The following GRB7 variants were observed in gnomAD, a reference collection of about 807,000 sequenced individuals.
GRB7 encodes the protein growth factor receptor bound protein 7.
A neutral mutation model predicts 64.1 loss-of-function variants in GRB7; 47 were observed. The observed-to-expected ratio is 0.73, with a 90% CI of 0.58 to 0.94. The LOEUF (loss-of-function observed/expected upper bound fraction) is 0.94, where lower values mean the gene tolerates loss of function less well. GRB7 is among the 40% of genes least tolerant of loss of function. The pLI is 0.00. For synonymous variants in GRB7, 277 were observed against 279.9 expected, an observed-to-expected ratio of 0.99 and a Z score of 0.10; for missense variants, 634 against 718.4, an observed-to-expected ratio of 0.88 and a Z score of 1.34.
chr17:39,745,633 G>T, intron 11 of GRB7, 95 bp downstream of exon 11: 4 of 1,559,268 alleles, frequency 2.6e-6, no homozygotes, highest in Non-Finnish European at 3.5e-6. Context: ...GCGGGGGGAG[G>T]CCCCTGGCTG....
chr17:39,742,906 G>A lies in GRB7; in HGVS notation c.315G>A (p.Lys105=), dbSNP rs748929316. 58 of 1,596,848 alleles carry A rather than the reference G, an allele frequency of 3.6e-5. No individual in the cohort carries two copies. The highest frequency in any genetic ancestry group is 4.9e-5 in the Non-Finnish European group (57 of 1,170,806). The change falls in exon 4 of 15, where the codon AAG becomes AAA. Residue 105 remains lysine (K), a synonymous_variant. Transcript: ENST00000309156. ...PRDASRPHVV[K]VYSEDGACRS... ...CAATTCCTGGGGCGCAGGTAGTAAA[G>A]GTGTACAGTGAGGATGGGGCCTGCA...
In GRB7 at chr17:39,743,390, C is replaced by T. The variant is rs2060014464; in HGVS notation, c.586-3C>T. The stretch of plus-strand genomic sequence containing the variant: ...CTGATCCCTGACACTTGTCTACCCA[C>T]AGCACTCCCTGTTCCCAGAAAAAAT... On this transcript the variant is annotated splice_region_variant and splice_polypyrimidine_tract_variant and intron_variant, in intron 5 of 14. Coordinates refer to ENST00000309156, the MANE Select transcript of GRB7 (RefSeq NM_005310.5). 1 of 1,614,072 alleles carries T rather than the reference C, an allele frequency of 6.2e-7. No individual in the cohort carries two copies. Among genetic ancestry groups the T allele is most frequent in the South Asian group, 1.1e-5 (1 of 91,096 alleles).
chr17:39,745,623 G>A (rs2060038544), intron 11 of GRB7, 85 bp downstream of exon 11: 1 of 1,557,132 alleles, frequency 6.4e-7, no homozygotes, highest in African/African-American at 1.4e-5. Flanking sequence ...GGAAGAGAGG[G>A]CGGGGGGAGG....
At chr17:39,740,042 A>G (rs1567924339) in intron 1 of GRB7, 1 of 985,008 alleles carries the variant, frequency 1.0e-6, no homozygotes, top group East Asian at 1.1e-4. Context: ...TCTACTTCTA[A>G]CCCCTTCCAA....
Position 39,743,237 on chromosome 17 carries a change from G to C in GRB7, c.521G>C (p.Gly174Ala), listed in dbSNP as rs756826088. 5 of 1,614,068 alleles carry C rather than the reference G, an allele frequency of 3.1e-6. No individual in the cohort carries two copies. The highest frequency in any genetic ancestry group is 4.2e-6 in the Non-Finnish European group (5 of 1,180,050). Residue 174 changes from glycine to alanine, a missense_variant, in exon 5 of 15, where the codon GGC (glycine) becomes GCC (alanine). Around this residue, in one of 2 missense-constraint regions of GRB7, gnomAD observed 467 missense variants for 576.6 expected, o/e 0.81. Transcript: ENST00000309156. ...VVEVQAAWPVGGDSRFVFRKN... is the reference protein window; with the variant it reads ...VVEVQAAWPVAGDSRFVFRKN... ...GAAGTGCAGGCTGCCTGGCCCGTGG[G>C]CGGAGATAGCCGCTTCGTCTTCCGG... is the stretch of plus-strand genomic sequence containing the variant.
In GRB7 at chr17:39,744,664, G is replaced by T. The variant is rs376348595; in HGVS notation, c.912+1G>T. 9 of 1,598,124 alleles carry T rather than the reference G, an allele frequency of 5.6e-6. No individual in the cohort carries two copies. The Admixed American group carries it at 6.9e-5, about 12-fold the overall frequency. ...CACTGACTTCGGTTTCTGTGTCAAG[G>T]TGAAGACCTGGCCAGGCCTGGCCCC... On this transcript the variant is annotated splice_donor_variant, in intron 8 of 14. Coordinates refer to ENST00000309156, the MANE Select transcript of GRB7 (RefSeq NM_005310.5). LOFTEE classifies it high-confidence loss of function.
At chr17:39,743,120 G>C in intron 4 of GRB7, 60 bp from the exon 5 acceptor site, 1 of 1,603,610 alleles carries the variant, frequency 6.2e-7, no homozygotes, top group Admixed American at 1.7e-5. Context: ...CTAGGCATGT[G>C]GCTCATCCAG....
chr17:39,742,464 G>C lies in GRB7; in HGVS notation c.155+8G>C. On this transcript the variant is annotated splice_region_variant and intron_variant, in intron 2 of 14. Transcript: ENST00000309156. The stretch of plus-strand genomic sequence containing the variant: ...CATCCCAACCACCGGCAGGTACGAT[G>C]GGGCGTGGGGCTTGGGGGAGGTCAG... The C allele has an allele frequency of 6.2e-7, 1 of 1,613,682 alleles. No individual in the cohort carries two copies.
rs1000232299 is a variant in GRB7 at position 39,737,940 on chromosome 17, T to C, written c.-244T>C. The C allele has an allele frequency of 5.3e-5, 8 of 152,296 alleles. No individual in the cohort carries two copies. The highest frequency in any genetic ancestry group is 8.8e-5 in the Non-Finnish European group (6 of 68,062). The allele number at this position is 152,296 out of a possible 1,614,324, so 9.4% of individuals were successfully genotyped here. On this transcript the variant is annotated 5_prime_UTR_variant, in exon 1 of 15. Transcript: ENST00000309156. ...CCCCATCTGCCCAAGATAATTTTAG[T>C]TTCCTTGGGCCTGGAATCTGGACAC...
chr17:39,745,888 C>T, intron 12 of GRB7, 25 bp from the exon 13 acceptor site: 2 of 1,613,516 alleles, frequency 1.2e-6, no homozygotes, highest in Non-Finnish European at 1.7e-6. Context: ...CCCAAAGTGA[C>T]CGCCCATGTC....
At chr17:39,746,074 G>A (rs1462022280) in intron 13 of GRB7, 35 bp from the exon 14 acceptor site, 1 of 1,612,150 alleles carries the variant, frequency 6.2e-7, no homozygotes, top group Non-Finnish European at 8.5e-7. Context: ...TGGTCCTTGG[G>A]TAGTAATGCT....
chr17:39,746,041 G>C (rs1188963723), intron 13 of GRB7, 41 bp downstream of exon 13: 5 of 1,610,708 alleles, frequency 3.1e-6, no homozygotes, highest in Admixed American at 3.3e-5. Context: ...GGATAAGAGA[G>C]ACTGGGGTCC....
intron 1 of GRB7, among the ~76,000 whole-genome samples, chr17:39,739,809 C>T (rs1322893946): frequency 2.0e-5 from 3 of 152,134 alleles, no homozygotes. Flanking sequence ...GTGTTTCCAA[C>T]CGAAGCTTTA....
intron 7 of GRB7, 105 bp from the exon 8 acceptor site, chr17:39,744,448 C>A: frequency 1.0e-6 from 1 of 960,002 alleles, no homozygotes; most frequent in Middle Eastern, 2.1e-4. Flanking sequence ...CCTGGGTATT[C>A]CCCTGCCCCT....
Position 39,742,625 on chromosome 17 carries a change from C to A in GRB7, c.215C>A (p.Pro72His), listed in dbSNP as rs748153802. Residue 72 changes from proline (P) to histidine (H), a missense_variant, in exon 3 of 15, where the codon CCT becomes CAT. Pro to His is a moderately conservative substitution (Grantham distance 77, BLOSUM62 -2). Around this residue, in one of 2 missense-constraint regions of GRB7, gnomAD observed 167 missense variants for 141.9 expected, o/e 1.18. Coordinates refer to ENST00000309156, the MANE Select transcript of GRB7 (RefSeq NM_005310.5). ...TSLPSIPNPF[P>H]ELCSPPSQSP... The stretch of plus-strand genomic sequence containing the variant: ...CTCCCCTCTATCCCCAACCCCTTCC[C>A]TGAGCTCTGCAGTCCTCCCTCACAG... The A allele has an allele frequency of 6.2e-7, 1 of 1,613,470 alleles. No individual in the cohort carries two copies. The highest frequency in any genetic ancestry group is 2.2e-5 in the East Asian group (1 of 44,860).
At chr17:39,743,635 C>T (rs59547705) in intron 6 of GRB7, 165 bp downstream of exon 6, 1 of 644,672 alleles carries the variant, frequency 1.6e-6, no homozygotes, top group South Asian at 1.9e-5. Flanking sequence ...TCAGTTTCTT[C>T]TATTAAATGG....
chr17:39,744,851 C>G, intron 8 of GRB7, 35 bp from the exon 9 acceptor site: 1 of 1,544,580 alleles, frequency 6.5e-7, no homozygotes, highest in East Asian at 2.2e-5. Flanking sequence ...GTCCTAAAGG[C>G]AGATATGGGA....
At chr17:39,739,024 G>A (rs1441536794) in intron 1 of GRB7, 3 of 1,055,718 alleles carry the variant, frequency 2.8e-6, no homozygotes, top group Non-Finnish European at 4.0e-6. Flanking sequence ...GGAGAGTGGG[G>A]TGGGGGATAG....
Position 39,745,302 on chromosome 17 carries a change from T to C in GRB7, c.1071T>C (p.Ser357=). The change falls in exon 10 of 15, where the codon TCT becomes TCC. Residue 357 remains serine, a synonymous_variant. Transcript: ENST00000309156. ...QQAQSRHLHP[S]CLGSPPLRSA... ...CACAGTCTCGCCATCTGCATCCATCTTGTTTGGGCTCCCCACCCTTGGTGA... is the reference window on the plus strand; with the variant it reads ...CACAGTCTCGCCATCTGCATCCATCCTGTTTGGGCTCCCCACCCTTGGTGA... The C allele has an allele frequency of 6.2e-7, 1 of 1,612,730 alleles. No individual in the cohort carries two copies. Among genetic ancestry groups the C allele is most frequent in the East Asian group, 2.2e-5 (1 of 44,858 alleles).
Sources: gnomAD v4.1 joint callset for allele counts (sites outside exome capture counted in the v4.1 genomes callset) on GRCh38, gnomAD v4.1.1 for gene constraint, gnomAD v4.1.1 regional missense constraint, MANE v1.5 for transcripts, NCBI Gene and HGNC (gene_info 2026-07-23, HGNC 2026-07-21) for gene names.